Variants in BICC1 observed in about 807,000 individuals in gnomAD.
BICC1 encodes protein bicaudal C homolog 1.
Under a neutral mutation model 111.0 loss-of-function variants are expected in BICC1, and 43 were observed. The observed-to-expected ratio is 0.39, with a 90% confidence interval of 0.30 to 0.50. The LOEUF (loss-of-function observed/expected upper bound fraction) is 0.50. BICC1 is among the 20% of genes least tolerant of loss of function. The pLI is 0.88. For synonymous variants in BICC1, 467 were observed against 434.4 expected (o/e 1.07, Z -0.93); for missense variants, 1,091 against 1,203.2 (o/e 0.91, Z 1.38).
intron 2 of BICC1, among the ~76,000 whole-genome samples, chr10:58,644,017 G>A (rs1191605516): frequency 6.6e-6 from 1 of 151,660 alleles, no homozygotes; most frequent in Non-Finnish European, 1.5e-5. Flanking sequence ...ACTTAAATCA[G>A]TTCTAAAAAA....
At chr10:58,586,595 A>G (rs1844434815) in intron 1 of BICC1, among the ~76,000 whole-genome samples, 1 of 138,666 alleles carries the variant, frequency 7.2e-6, no homozygotes, top group South Asian at 2.5e-4. Context: ...AGCCTGGGCA[A>G]CAGAGAGAGA....
chr10:58,589,576 A>C (rs1004871850), intron 1 of BICC1, among the ~76,000 whole-genome samples: 2 of 151,574 alleles, frequency 1.3e-5, no homozygotes, highest in African/African-American at 2.4e-5. Flanking sequence ...GGGTCAAGCT[A>C]TTCTCTTGCC....
At chr10:58,546,218 G>A (rs1327335001) in intron 1 of BICC1, among the ~76,000 whole-genome samples, 2 of 152,108 alleles carry the variant, frequency 1.3e-5, no homozygotes, top group Non-Finnish European at 2.9e-5. Context: ...AGGATGGAAG[G>A]TTGCAGAGCT....
intron 2 of BICC1, among the ~76,000 whole-genome samples, chr10:58,624,732 T>C (rs1845933571): frequency 6.6e-6 from 1 of 152,172 alleles, no homozygotes; most frequent in Non-Finnish European, 1.5e-5. Context: ...TAGCTGGGAT[T>C]ACAGGCATGC....
intron 8 of BICC1, among the ~76,000 whole-genome samples, chr10:58,790,263 T>C (rs1198928158): frequency 6.9e-6 from 1 of 145,594 alleles, no homozygotes; most frequent in Non-Finnish European, 1.5e-5. Flanking sequence ...AATATTAGTG[T>C]GCAGTTTGTA....
intron 20 of BICC1, among the ~76,000 whole-genome samples, chr10:58,827,244 T>C (rs887211905): frequency 5.3e-5 from 8 of 152,092 alleles, no homozygotes; most frequent in African/African-American, 9.7e-5. Context: ...AGAACCCAGA[T>C]AGAGAAAACA....
intron 2 of BICC1, among the ~76,000 whole-genome samples, chr10:58,687,866 C>T (rs546443841): frequency 5.3e-5 from 8 of 152,090 alleles, no homozygotes; most frequent in South Asian, 2.1e-4. Context: ...ACCCACTGTC[C>T]GACAAGCCCC....
intron 3 of BICC1, among the ~76,000 whole-genome samples, chr10:58,754,764 G>GTGTA (rs1346566710): frequency 6.6e-6 from 1 of 150,794 alleles, no homozygotes; most frequent in East Asian, 2.0e-4. Context: ...GTGTGTATGT[G>GTGTA]TGTGTGTGTG....
intron 2 of BICC1, among the ~76,000 whole-genome samples, chr10:58,655,887 G>C (rs1245142509): frequency 6.6e-6 from 1 of 151,890 alleles, no homozygotes; most frequent in Non-Finnish European, 1.5e-5. Context: ...AGAGTTTTTA[G>C]CATGAAGGGT....
chr10:58,648,140 C>G (rs1468220367), intron 2 of BICC1, among the ~76,000 whole-genome samples: 1 of 152,134 alleles, frequency 6.6e-6, no homozygotes, highest in African/African-American at 2.4e-5. Context: ...TCTAGCAGGC[C>G]ATTAGGCATA....
At chr10:58,566,338 A>G (rs1400361967) in intron 1 of BICC1, among the ~76,000 whole-genome samples, 1 of 152,074 alleles carries the variant, frequency 6.6e-6, no homozygotes, top group Non-Finnish European at 1.5e-5. Flanking sequence ...AATTATATAT[A>G]TACATACACA....
rs142267769 is a variant in BICC1, at chr10:58,587,922, T to G, written c.191-32933T>G. On this transcript the variant is annotated intron_variant, in intron 1 of 20. Coordinates refer to ENST00000373886, the MANE Select transcript of BICC1 (RefSeq NM_001080512.3). ...GAGGAAGTTCATTCCATTTCATGAT[T>G]AATGGTCAGGAAGGGACTTCTAGGA... 1.8e-3 allele frequency among the ~76,000 whole-genome samples: 274 copies of G among 152,318 alleles called. 2 individuals carry two copies. Among genetic ancestry groups the G allele is most frequent in the African/African-American group, 6.0e-3 (249 of 41,578 alleles).
At chr10:58,711,927 C>T (rs956671624) in intron 3 of BICC1, among the ~76,000 whole-genome samples, 22 of 150,772 alleles carry the variant, frequency 1.5e-4, no homozygotes, top group African/African-American at 3.9e-4. Context: ...AAGCCAGAGA[C>T]GGGGAGAAAA....
intron 1 of BICC1, among the ~76,000 whole-genome samples, chr10:58,560,061 TA>T: frequency 6.6e-6 from 1 of 151,986 alleles, no homozygotes; most frequent in South Asian, 2.1e-4. Flanking sequence ...GCTTTGGTAT[TA>T]GGGTAATGCT....
chr10:58,682,616 C>T (rs1169710683), intron 2 of BICC1, among the ~76,000 whole-genome samples: 1 of 152,102 alleles, frequency 6.6e-6, no homozygotes, highest in Non-Finnish European at 1.5e-5. Flanking sequence ...CTCTGATGGC[C>T]AGTGATGATG....
intron 3 of BICC1, among the ~76,000 whole-genome samples, chr10:58,709,727 T>A (rs1840513980): frequency 6.6e-6 from 1 of 152,226 alleles, no homozygotes; most frequent in African/African-American, 2.4e-5. Context: ...ACTGATATCT[T>A]CCCTATAGAC....
intron 1 of BICC1, among the ~76,000 whole-genome samples, chr10:58,615,526 C>A (rs1327930272): frequency 6.6e-6 from 1 of 152,208 alleles, no homozygotes; most frequent in Non-Finnish European, 1.5e-5. Flanking sequence ...ACCCTGCTGA[C>A]ACTACATGCA....
chr10:58,521,768 GTTTTTTTT>G lies in BICC1; in HGVS notation c.190+8466_190+8473del, dbSNP rs573116230. On this transcript the variant is annotated intron_variant, in intron 1 of 20. Coordinates refer to ENST00000373886, the MANE Select transcript of BICC1 (RefSeq NM_001080512.3). ...ATGAAAATCAGCCAGGGAATGTGGT[GTTTTTTTT>G]TTTTTTTTTTTTTTTTTTTTTTTTT... Among the ~76,000 whole-genome samples the G allele has an allele frequency of 7.8e-4, 88 of 112,800 alleles. 3 individuals carry two copies. The highest frequency in any genetic ancestry group is 2.5e-3 in the African/African-American group (84 of 33,418). The allele number at this position is 112,800 out of a possible 152,430, so 74.0% of individuals were successfully genotyped here.
chr10:58,811,594 G>A (rs1169550351), intron 17 of BICC1, among the ~76,000 whole-genome samples: 3 of 152,046 alleles, frequency 2.0e-5, no homozygotes, highest in East Asian at 1.9e-4. Flanking sequence ...CAAATACTAA[G>A]CACCTTATGT....
Sources: allele counts gnomAD v4.1 joint callset (sites outside exome capture counted in the v4.1 genomes callset), GRCh38; gene constraint gnomAD v4.1.1; transcripts MANE v1.5; gene names NCBI Gene and HGNC (gene_info 2026-07-23, HGNC 2026-07-21).